Variants in TENM2 observed in about 807,000 individuals in gnomAD.
TENM2 encodes teneurin transmembrane protein 2, also known as teneurin-2.
TENM2 carries 52 observed loss-of-function variants against 245.2 expected under a neutral mutation model. That is an observed-to-expected ratio of 0.21 (90% CI 0.17 to 0.27). TENM2 has a LOEUF of 0.27. TENM2 is among the 10% of genes least tolerant of loss of function. TENM2 has a pLI of 1.00. For synonymous variants in TENM2, 1,363 were observed against 1,438.9 expected (o/e 0.95, Z 1.19); for missense variants, 3,046 against 3,666.8 (o/e 0.83, Z 4.37).
chr5:167,942,237 A>G (rs1779244893), intron 3 of TENM2, among the ~76,000 whole-genome samples: 1 of 152,168 alleles, frequency 6.6e-6, no homozygotes. Flanking sequence ...AATAATAATT[A>G]GCCTATTCAG....
At chr5:167,952,322 T>C (rs576068767) in intron 3 of TENM2, 15 of 562,566 alleles carry the variant, frequency 2.7e-5, no homozygotes, top group East Asian at 2.3e-4. Context: ...ATAATTCCTC[T>C]GGTCAGCCCT....
the TENM2 span, among the ~76,000 whole-genome samples, chr5:167,249,484 C>A: frequency 6.6e-6 from 1 of 152,118 alleles, no homozygotes; most frequent in Admixed American, 6.6e-5. Flanking sequence ...TCACCTCCTC[C>A]TTACTTCTCT....
chr5:167,689,736 T>C (rs1038887160), intron 2 of TENM2, among the ~76,000 whole-genome samples: 1 of 152,164 alleles, frequency 6.6e-6, no homozygotes, highest in Admixed American at 6.6e-5. Flanking sequence ...TGAACACTGT[T>C]CTTACCTCTT....
the TENM2 span, among the ~76,000 whole-genome samples, chr5:167,205,815 C>T: frequency 6.6e-6 from 1 of 152,180 alleles, no homozygotes; most frequent in Non-Finnish European, 1.5e-5. Context: ...AAAGGATCTA[C>T]TTCCAAACTC....
the TENM2 span, among the ~76,000 whole-genome samples, chr5:167,249,757 G>A: frequency 1.3e-5 from 2 of 152,046 alleles, no homozygotes; most frequent in Non-Finnish European, 2.9e-5. Flanking sequence ...AGACTTCTAG[G>A]GATAAATGAT....
At chr5:167,223,373 A>G in the TENM2 span, among the ~76,000 whole-genome samples, 2 of 151,944 alleles carry the variant, frequency 1.3e-5, no homozygotes, top group Admixed American at 6.6e-5. Context: ...CTCTGTATCT[A>G]TCATTACACT....
chr5:167,661,994 A>C (rs971053415), intron 2 of TENM2, among the ~76,000 whole-genome samples: 1 of 152,204 alleles, frequency 6.6e-6, no homozygotes, highest in African/African-American at 2.4e-5. Context: ...GGTCATGGGA[A>C]TAGAAGGGCC....
chr5:167,519,788 G>T (rs1247543888), intron 2 of TENM2, among the ~76,000 whole-genome samples: 2 of 152,092 alleles, frequency 1.3e-5, no homozygotes, highest in Non-Finnish European at 2.9e-5. Context: ...CAATCAAATT[G>T]TGATTGTTTT....
intron 1 of TENM2, among the ~76,000 whole-genome samples, chr5:167,348,639 C>T (rs918812053): frequency 6.6e-6 from 1 of 152,146 alleles, no homozygotes; most frequent in East Asian, 1.9e-4. Context: ...GAGATTTATT[C>T]TTAGAAAGGC....
At chr5:167,325,611 A>G (rs1757032022) in intron 1 of TENM2, among the ~76,000 whole-genome samples, 1 of 152,230 alleles carries the variant, frequency 6.6e-6, no homozygotes, top group African/African-American at 2.4e-5. Context: ...TAGAATTTAG[A>G]AATGCTCCTA....
chr5:167,842,091 G>C (rs114113073), intron 2 of TENM2, among the ~76,000 whole-genome samples: 3 of 151,744 alleles, frequency 2.0e-5, no homozygotes, highest in African/African-American at 4.8e-5. Context: ...TAGCCCTAAG[G>C]CTCACTGCTC....
chr5:168,003,275 C>T (rs1027428043), intron 5 of TENM2, among the ~76,000 whole-genome samples: 5 of 149,374 alleles, frequency 3.3e-5, no homozygotes, highest in Non-Finnish European at 5.9e-5. Context: ...TATCTTTTCC[C>T]GAGTTTAAAA....
At chr5:167,708,015 G>C (rs917718994) in intron 2 of TENM2, among the ~76,000 whole-genome samples, 4 of 152,168 alleles carry the variant, frequency 2.6e-5, no homozygotes, top group African/African-American at 9.7e-5. Context: ...TAAGAGCAGG[G>C]CTTACCTCTT....
intron 3 of TENM2, among the ~76,000 whole-genome samples, chr5:167,877,037 T>C (rs1005452559): frequency 1.3e-5 from 2 of 152,146 alleles, no homozygotes; most frequent in African/African-American, 4.8e-5. Context: ...GAACGGGCAA[T>C]AACTAGAGTA....
the TENM2 span, among the ~76,000 whole-genome samples, chr5:166,984,590 CAT>C: frequency 6.6e-6 from 1 of 151,916 alleles, no homozygotes; most frequent in African/African-American, 2.4e-5. Flanking sequence ...ATATTTGTAA[CAT>C]GTTTTTTTAA....
At chr5:167,896,560 C>G (rs1207545309) in intron 3 of TENM2, among the ~76,000 whole-genome samples, 3 of 152,164 alleles carry the variant, frequency 2.0e-5, no homozygotes, top group African/African-American at 7.2e-5. Context: ...AGGATTGAAA[C>G]ACTGAATCTG....
intron 2 of TENM2, among the ~76,000 whole-genome samples, chr5:167,785,023 C>A (rs1190968076): frequency 6.6e-6 from 1 of 152,014 alleles, no homozygotes; most frequent in African/African-American, 2.4e-5. Flanking sequence ...TTCATTAATG[C>A]AGCCCTGCAT....
chr5:167,653,480 T>G (rs1043753055), intron 2 of TENM2: 1 of 152,242 alleles, frequency 6.6e-6, no homozygotes, highest in Non-Finnish European at 1.5e-5. Context: ...GTTGGATAGC[T>G]TACTAATTCT....
In TENM2 at chr5:167,931,551, GAA is replaced by G. The variant is rs368486009; in HGVS notation, c.713-21018_713-21017del. ...GCACCCCAACCCCATAAACCCATTGGAAAAAAAAAAAAAAAAAAAACAAGAAA... is the reference window on the plus strand; with the variant it reads ...GCACCCCAACCCCATAAACCCATTGGAAAAAAAAAAAAAAAAAACAAGAAA... On this transcript the variant is annotated intron_variant, in intron 3 of 28. Transcript: ENST00000518659. 3.9e-3 allele frequency among the ~76,000 whole-genome samples: 429 copies of G among 110,314 alleles called. 1 individual carries two copies. Among genetic ancestry groups the G allele is most frequent in the African/African-American group, 8.0e-3 (213 of 26,532 alleles). 72.4% of individuals were successfully genotyped at this position (110,314 alleles called of 152,430 possible). A position where few individuals can be genotyped will look rare whatever the true frequency, so the allele number is the denominator to read the frequency against.
Sources: allele counts gnomAD v4.1 joint callset (sites outside exome capture counted in the v4.1 genomes callset), GRCh38; gene constraint gnomAD v4.1.1; transcripts MANE v1.5; gene names NCBI Gene and HGNC (gene_info 2026-07-23, HGNC 2026-07-21).